MRPS28: variants seen among roughly 807,000 people sequenced by gnomAD.
The protein encoded by MRPS28 is small ribosomal subunit protein bS1m.
In MRPS28, 7 loss-of-function variants were observed where a neutral mutation model predicts 10.8. The observed-to-expected ratio is 0.65, with a 90% CI of 0.37 to 1.22. The LOEUF (loss-of-function observed/expected upper bound fraction) is 1.22, where lower values mean the gene tolerates loss of function less well. Ranked by LOEUF, MRPS28 falls within the 50% of genes most tolerant of loss-of-function variation. The pLI is 0.02. For missense variants in MRPS28, 265 were observed against 232.9 expected (o/e 1.14, Z -0.90); for synonymous variants, 121 against 93.3 (o/e 1.30, Z -1.71).
At chr8:79,919,351 A>G (rs63591161) in intron 2 of MRPS28, among the ~76,000 whole-genome samples, 3 of 24,022 alleles carry the variant, frequency 1.2e-4, no homozygotes, top group East Asian at 4.8e-3. Flanking sequence ...TTTTGTTTTG[A>G]AAAAAAAAAA....
At chr8:80,009,930 T>G (rs950358161) in intron 1 of MRPS28, among the ~76,000 whole-genome samples, 1 of 152,232 alleles carries the variant, frequency 6.6e-6, no homozygotes, top group Non-Finnish European at 1.5e-5. Flanking sequence ...TAAAAACAAT[T>G]AAGAGCCTTT....
intron 2 of MRPS28, among the ~76,000 whole-genome samples, chr8:79,950,815 T>C (rs980050229): frequency 6.6e-6 from 1 of 152,230 alleles, no homozygotes; most frequent in African/African-American, 2.4e-5. Context: ...TGGAGTCAGA[T>C]GTGAAGTCAG....
intron 1 of MRPS28, among the ~76,000 whole-genome samples, chr8:80,006,193 C>A (rs966843265): frequency 3.9e-5 from 6 of 152,338 alleles, no homozygotes; most frequent in African/African-American, 1.2e-4. Flanking sequence ...TTCTTCTCAG[C>A]ACCACATCAC....
chr8:79,957,866 C>T (rs904429387), intron 2 of MRPS28: 1 of 152,212 alleles, frequency 6.6e-6, no homozygotes, highest in Non-Finnish European at 1.5e-5. Context: ...ATGTCTTAAA[C>T]AGTCATCTTT....
chr8:79,991,894 C>T (rs1376861414), intron 2 of MRPS28, among the ~76,000 whole-genome samples: 2 of 150,112 alleles, frequency 1.3e-5, no homozygotes, highest in Non-Finnish European at 3.0e-5. Flanking sequence ...TAAAAGGCAT[C>T]ACCACTTCCT....
chr8:80,015,400 T>C (rs779122507), intron 1 of MRPS28, among the ~76,000 whole-genome samples: 1 of 152,196 alleles, frequency 6.6e-6, no homozygotes, highest in East Asian at 1.9e-4. Flanking sequence ...CTAAGTGTCC[T>C]GGAGGAAGGG....
rs564912429 is a variant in MRPS28 at position 80,030,098 on chromosome 8, C to T, written c.151G>A (p.Gly51Ser). The T allele has an allele frequency of 6.2e-7, 1 of 1,611,780 alleles. No homozygotes were observed. The highest frequency in any genetic ancestry group is 2.2e-5 in the East Asian group (1 of 44,856). The change falls in exon 1 of 3, where the codon GGT becomes AGT. Residue 51 changes from glycine to serine, a missense_variant. Gly to Ser is a moderately conservative substitution (Grantham distance 56). Coordinates refer to ENST00000276585, the MANE Select transcript of MRPS28 (RefSeq NM_014018.3). ...NAKEPKTRAGGFASALERHSE... is the reference protein window; with the variant it reads ...NAKEPKTRAGSFASALERHSE... ...TGCCGCTCCAACGCGCTCGCGAAAC[C>T]GCCTGCGCGCGTCTTAGGCTCCTTG...
At chr8:80,015,319 T>C (rs561500981) in intron 1 of MRPS28, among the ~76,000 whole-genome samples, 35 of 152,300 alleles carry the variant, frequency 2.3e-4, no homozygotes, top group Middle Eastern at 3.4e-3. Flanking sequence ...AGCACATATA[T>C]AAAACTATCA....
chr8:79,931,887 C>T (rs1035212580), intron 2 of MRPS28, among the ~76,000 whole-genome samples: 4 of 152,196 alleles, frequency 2.6e-5, no homozygotes, highest in African/African-American at 9.7e-5. Flanking sequence ...CTAAAGGCTT[C>T]TAATCTACTG....
chr8:79,985,001 C>G (rs550450836), intron 2 of MRPS28, among the ~76,000 whole-genome samples: 1 of 152,236 alleles, frequency 6.6e-6, no homozygotes, highest in African/African-American at 2.4e-5. Context: ...CACACCTATT[C>G]CAAAATTGAC....
intron 1 of MRPS28, among the ~76,000 whole-genome samples, chr8:80,006,756 C>A (rs1457974996): frequency 3.9e-5 from 6 of 152,068 alleles, no homozygotes; most frequent in African/African-American, 1.4e-4. Flanking sequence ...CAATAACAGG[C>A]TCTGAAATTG....
intron 2 of MRPS28, among the ~76,000 whole-genome samples, chr8:79,971,760 C>A (rs1001403781): frequency 6.6e-6 from 1 of 152,084 alleles, no homozygotes; most frequent in Non-Finnish European, 1.5e-5. Flanking sequence ...TGCAGTGGTG[C>A]GATCTCAGCT....
chr8:79,951,133 G>T (rs1427536285), intron 2 of MRPS28, among the ~76,000 whole-genome samples: 1 of 152,146 alleles, frequency 6.6e-6, no homozygotes, highest in Non-Finnish European at 1.5e-5. Context: ...ATTAATCTGT[G>T]GTCACTGACT....
In MRPS28 at chr8:79,940,284, T is replaced by C. The variant is rs967426503; in HGVS notation, c.396-21136A>G. ...GTTCTGGAGAGCTGTTATTATAGGA[T>C]TCTTATCCTAGATAAATGAGGCATT... On this transcript the variant is annotated intron_variant, in intron 2 of 2. Transcript: ENST00000276585. Among the ~76,000 whole-genome samples the C allele has an allele frequency of 5.9e-5, 9 of 152,346 alleles. No homozygotes were observed. The East Asian group carries it at 1.7e-3, about 29-fold the overall frequency.
At chr8:79,958,559 C>A (rs1390608088) in intron 2 of MRPS28, 5 of 566,396 alleles carry the variant, frequency 8.8e-6, no homozygotes, top group Non-Finnish European at 1.5e-5. Flanking sequence ...GAAAGAGAGT[C>A]ACTAATTGAT....
At chr8:79,921,252 A>G (rs1036505690) in intron 2 of MRPS28, among the ~76,000 whole-genome samples, 97 of 152,280 alleles carry the variant, frequency 6.4e-4, no homozygotes, top group African/African-American at 2.3e-3. Context: ...CTTTTGGCTT[A>G]GGATTGACTT....
intron 2 of MRPS28, among the ~76,000 whole-genome samples, chr8:79,963,283 C>T (rs1034788852): frequency 2.6e-5 from 4 of 151,996 alleles, no homozygotes; most frequent in Non-Finnish European, 5.9e-5. Flanking sequence ...ATCTTTTAGT[C>T]TTCTTAGCCT....
At chr8:80,024,734 T>C (rs998397901) in intron 1 of MRPS28, among the ~76,000 whole-genome samples, 3 of 152,216 alleles carry the variant, frequency 2.0e-5, no homozygotes, top group African/African-American at 7.2e-5. Context: ...AAATATATAC[T>C]CAATCCCTAC....
intron 2 of MRPS28, among the ~76,000 whole-genome samples, chr8:79,930,594 T>C (rs1321549641): frequency 6.6e-6 from 1 of 152,232 alleles, no homozygotes; most frequent in Non-Finnish European, 1.5e-5. Context: ...CTGCATTCAC[T>C]TATTTTAAAT....
Sources: allele counts gnomAD v4.1 joint callset (sites outside exome capture counted in the v4.1 genomes callset), GRCh38; gene constraint gnomAD v4.1.1; transcripts MANE v1.5; gene names NCBI Gene and HGNC (gene_info 2026-07-23, HGNC 2026-07-21).